The following BICRA variants were observed in gnomAD, a reference collection of about 807,000 sequenced individuals.
BICRA encodes the protein BRD4-interacting chromatin-remodeling complex-associated protein.
Under a neutral mutation model 96.9 loss-of-function variants are expected in BICRA, and 31 were observed. The ratio of observed to expected loss-of-function variants is 0.32; its 90% CI spans 0.24 to 0.43. The LOEUF (loss-of-function observed/expected upper bound fraction) is 0.43. Among genes scored for constraint, BICRA ranks in the 20% least tolerant of loss-of-function variants. The pLI is 1.00. For missense variants in BICRA, 2,283 were observed against 2,190.3 expected, an observed-to-expected ratio of 1.04 and a Z score of -0.84; for synonymous variants, 1,350 against 1,071.8, an observed-to-expected ratio of 1.26 and a Z score of -5.07.
chr19:47,623,323 C>T (rs1269270758), intron 1 of BICRA, among the ~76,000 whole-genome samples: 4 of 152,088 alleles, frequency 2.6e-5, no homozygotes, highest in African/African-American at 7.2e-5. Flanking sequence ...GGTTACCTGT[C>T]CCTCCCTGCT....
intron 7 of BICRA, among the ~76,000 whole-genome samples, chr19:47,685,784 T>TGC (rs1377559075): frequency 3.0e-3 from 351 of 115,452 alleles, no homozygotes; most frequent in African/African-American, 6.1e-3. Context: ...TGTGTGTGTG[T>TGC]GTGCGCGCGC....
In BICRA at chr19:47,682,064, A is replaced by ACCCAGC. The variant is rs1436284384; in HGVS notation, c.2203_2208dup (p.Pro735_Ala736dup). ...GTCAGCGCCCCGCCTCCCGCCCAAG[A>ACCCAGC]CCCAGCCCCAGCCACCCCCGTCGCC... On this transcript the variant is annotated inframe_insertion, in exon 7 of 15. Transcript: ENST00000594866. 10 of 1,527,260 alleles carry ACCCAGC rather than the reference A, an allele frequency of 6.5e-6. No homozygotes were observed. Among genetic ancestry groups the ACCCAGC allele is most frequent in the Non-Finnish European group, 8.9e-6 (10 of 1,127,664 alleles). The allele number at this position is 1,527,260 out of a possible 1,614,324, so 94.6% of individuals were successfully genotyped here.
intron 1 of BICRA, among the ~76,000 whole-genome samples, chr19:47,659,685 T>TACAC (rs10567798): frequency 0.049 from 6,532 of 132,432 alleles, 216 homozygotes; most frequent in Non-Finnish European, 0.065. Flanking sequence ...TGGTGGTGCA[T>TACAC]ACACACACAC....
In BICRA at chr19:47,645,856, G is replaced by A. The variant is rs541021803; in HGVS notation, c.-107-24587G>A. Among the ~76,000 whole-genome samples the A allele has an allele frequency of 2.6e-4, 40 of 152,304 alleles. 1 individual carries two copies. The East Asian group carries it at 7.7e-3, about 29-fold the overall frequency. On this transcript the variant is annotated intron_variant, in intron 1 of 14. Transcript: ENST00000594866. ...TCACGCCTGTAATCCCAGCACTTTG[G>A]GAGGCTGAGGCAGGCAGATTGCTTG...
intron 1 of BICRA, among the ~76,000 whole-genome samples, chr19:47,614,995 T>G (rs1971962435): frequency 6.6e-6 from 1 of 152,168 alleles, no homozygotes; most frequent in African/African-American, 2.4e-5. Flanking sequence ...CTTTTTTTAT[T>G]TTTTTGAGAC....
At chr19:47,697,570 T>C (rs1232496867) in intron 11 of BICRA, among the ~76,000 whole-genome samples, 1 of 152,034 alleles carries the variant, frequency 6.6e-6, no homozygotes, top group Non-Finnish European at 1.5e-5. Flanking sequence ...CTCTGCCTCC[T>C]GGGTTCAAGT....
intron 6 of BICRA, 114 bp downstream of exon 6, chr19:47,681,390 G>A: frequency 1.1e-6 from 1 of 937,750 alleles, no homozygotes; most frequent in Non-Finnish European, 1.6e-6. Flanking sequence ...GCAGCTGGGG[G>A]GGGAAGGTCT....
intron 7 of BICRA, among the ~76,000 whole-genome samples, chr19:47,685,786 T>TGTGTGCGCGC: frequency 1.0e-3 from 123 of 117,962 alleles, no homozygotes; most frequent in African/African-American, 1.4e-3. Flanking sequence ...TGTGTGTGTG[T>TGTGTGCGCGC]GCGCGCGCGC....
At chr19:47,617,450 G>A (rs568323851) in intron 1 of BICRA, among the ~76,000 whole-genome samples, 2 of 151,662 alleles carry the variant, frequency 1.3e-5, no homozygotes, top group South Asian at 2.1e-4. Flanking sequence ...TGCAACCTCC[G>A]CCTCCCAGGC....
At chr19:47,671,513 G>A (rs1259857652) in intron 2 of BICRA, among the ~76,000 whole-genome samples, 1 of 152,130 alleles carries the variant, frequency 6.6e-6, no homozygotes, top group African/African-American at 2.4e-5. Context: ...TGTGTCATTG[G>A]GAGGAGACGG....
intron 1 of BICRA, among the ~76,000 whole-genome samples, chr19:47,647,181 G>T (rs541656009): frequency 6.6e-6 from 1 of 151,938 alleles, no homozygotes; most frequent in Non-Finnish European, 1.5e-5. Context: ...TTGTTTATCC[G>T]TTCAGTTGGT....
chr19:47,697,391 C>T (rs894925262), intron 11 of BICRA, among the ~76,000 whole-genome samples: 4 of 151,730 alleles, frequency 2.6e-5, no homozygotes, highest in African/African-American at 9.7e-5. Context: ...AGACTGCATG[C>T]CCTCACCCAA....
intron 8 of BICRA, 49 bp downstream of exon 8, chr19:47,694,775 C>T (rs1464107614): frequency 4.6e-6 from 5 of 1,079,268 alleles, no homozygotes; most frequent in South Asian, 4.4e-5. Context: ...TCCCATCCCA[C>T]CCTCTCAGTC....
chr19:47,673,413 C>T (rs1186181715), intron 2 of BICRA, among the ~76,000 whole-genome samples, 157 bp from the exon 3 acceptor site: 1 of 151,910 alleles, frequency 6.6e-6, no homozygotes, highest in African/African-American at 2.4e-5. Context: ...TGGGAGGGCA[C>T]CTGGGAGGTA....
intron 1 of BICRA, among the ~76,000 whole-genome samples, chr19:47,639,938 C>G (rs190661713): frequency 6.6e-6 from 1 of 152,232 alleles, no homozygotes; most frequent in African/African-American, 2.4e-5. Context: ...GCCACCATGC[C>G]CAGCCTGCTG....
intron 1 of BICRA, among the ~76,000 whole-genome samples, chr19:47,644,687 G>C (rs1233810033): frequency 2.6e-5 from 4 of 151,998 alleles, no homozygotes; most frequent in African/African-American, 7.2e-5. Flanking sequence ...TTTTAGTAGA[G>C]ATGAGGTTTT....
At chr19:47,692,072 G>A (rs1185693205) in intron 7 of BICRA, among the ~76,000 whole-genome samples, 1 of 152,130 alleles carries the variant, frequency 6.6e-6, no homozygotes, top group Non-Finnish European at 1.5e-5. Context: ...GCCGCTGCAT[G>A]TGGGCCACCT....
At chr19:47,644,449 T>G (rs889331928) in intron 1 of BICRA, among the ~76,000 whole-genome samples, 2 of 85,342 alleles carry the variant, frequency 2.3e-5, no homozygotes, top group Non-Finnish European at 4.4e-5. Context: ...CCTCCCTCCC[T>G]CCCTCCTTCC....
At chr19:47,632,410 C>T (rs1435450564) in intron 1 of BICRA, among the ~76,000 whole-genome samples, 1 of 152,164 alleles carries the variant, frequency 6.6e-6, no homozygotes, top group African/African-American at 2.4e-5. Flanking sequence ...TCGAGTCCTA[C>T]CTCCGATCTC....
Sources: allele counts gnomAD v4.1 joint callset (sites outside exome capture counted in the v4.1 genomes callset), GRCh38; gene constraint gnomAD v4.1.1; transcripts MANE v1.5; gene names NCBI Gene and HGNC (gene_info 2026-07-23, HGNC 2026-07-21).